KCNIP1: variants seen among roughly 807,000 people sequenced by gnomAD.
KCNIP1 encodes the protein potassium voltage-gated channel interacting protein 1, also known as A-type potassium channel modulatory protein KCNIP1.
Under a neutral mutation model 33.0 loss-of-function variants are expected in KCNIP1, and 18 were observed. The observed-to-expected ratio is 0.55, with a 90% CI of 0.38 to 0.81. KCNIP1 has a LOEUF of 0.81. Ranked by LOEUF, KCNIP1 falls within the 30% of genes least tolerant of loss-of-function variation. KCNIP1 has a pLI of 0.00. For synonymous variants in KCNIP1, 93 were observed against 98.3 expected (o/e 0.95, Z 0.32); for missense variants, 238 against 271.6 (o/e 0.88, Z 0.87).
intron 5 of KCNIP1, among the ~76,000 whole-genome samples, chr5:170,732,225 A>G (rs971551818): frequency 1.3e-5 from 2 of 152,218 alleles, no homozygotes; most frequent in Non-Finnish European, 2.9e-5. Flanking sequence ...CAGAATGGTC[A>G]GAATAATGGT....
At chr5:170,433,166 T>C (rs140681221) in intron 1 of KCNIP1, among the ~76,000 whole-genome samples, 1 of 152,206 alleles carries the variant, frequency 6.6e-6, no homozygotes, top group Non-Finnish European at 1.5e-5. Flanking sequence ...CAGGTGCCGA[T>C]GTTTTTGTTT....
At chr5:170,706,941 A>G (rs1415554704) in intron 1 of KCNIP1, among the ~76,000 whole-genome samples, 8 of 152,078 alleles carry the variant, frequency 5.3e-5, no homozygotes, top group African/African-American at 1.7e-4. Flanking sequence ...CAGGTCATCA[A>G]TTGTTCATTT....
intron 1 of KCNIP1, among the ~76,000 whole-genome samples, chr5:170,597,820 T>TATATATATATATATATAAAA (rs1441774904): frequency 5.3e-5 from 3 of 56,358 alleles, no homozygotes; most frequent in Non-Finnish European, 7.7e-5. Flanking sequence ...TATATATATA[T>TATATATATATATATATAAAA]ATATATATAT....
chr5:170,675,196 G>A (rs1762083698), intron 1 of KCNIP1, among the ~76,000 whole-genome samples: 1 of 151,978 alleles, frequency 6.6e-6, no homozygotes, highest in Non-Finnish European at 1.5e-5. Flanking sequence ...CTACTTGGGA[G>A]GCTAAGGTGG....
intron 1 of KCNIP1, among the ~76,000 whole-genome samples, chr5:170,451,796 C>T (rs7711755): frequency 0.04 from 5,776 of 142,884 alleles, 142 homozygotes; most frequent in Middle Eastern, 0.068. Flanking sequence ...GCAAGCTTTG[C>T]TGTCCTGGGT....
At chr5:170,375,869 G>A (rs796067203) in intron 1 of KCNIP1, 4 of 152,302 alleles carry the variant, frequency 2.6e-5, no homozygotes, top group African/African-American at 9.6e-5. Flanking sequence ...TTTTGCAAAC[G>A]AGGAAACAGG....
At chr5:170,711,296 A>G (rs757683320) in intron 1 of KCNIP1, among the ~76,000 whole-genome samples, 11 of 152,238 alleles carry the variant, frequency 7.2e-5, no homozygotes, top group Non-Finnish European at 1.5e-4. Context: ...TCCATGGTCT[A>G]TGTGTATGCC....
rs141417506 is a variant in KCNIP1 at position 170,359,334 on chromosome 5, G to A, written c.88+5370G>A. 8.8e-3 allele frequency among the ~76,000 whole-genome samples: 1,338 copies of A among 152,296 alleles called. 10 individuals are homozygous for A. Among genetic ancestry groups the A allele is most frequent in the Non-Finnish European group, 0.014 (922 of 68,028 alleles). On this transcript the variant is annotated intron_variant, in intron 1 of 7. Transcript: ENST00000377360. ...AATTGAGGTGTTGCAGCTGTTTACTGGAATTGTCTGGGAAAGCAGAAGCCT... is the reference window on the plus strand; with the variant it reads ...AATTGAGGTGTTGCAGCTGTTTACTAGAATTGTCTGGGAAAGCAGAAGCCT...
chr5:170,488,249 CAGGGTTTCATCAGATCTTCAAA>C (rs1435952950), intron 1 of KCNIP1, among the ~76,000 whole-genome samples: 1 of 152,134 alleles, frequency 6.6e-6, no homozygotes, highest in African/African-American at 2.4e-5. Context: ...GAAGAGAGTT[CAGGGTTTCATCAGATCTTCAAA>C]AGGATCCCAG....
At chr5:170,712,847 T>C (rs766187155) in intron 1 of KCNIP1, 1 of 1,613,886 alleles carries the variant, frequency 6.2e-7, no homozygotes, top group Admixed American at 1.7e-5. Flanking sequence ...TTCTCACTCT[T>C]TCCTAGACAT....
intron 1 of KCNIP1, among the ~76,000 whole-genome samples, chr5:170,658,299 A>G (rs553556264): frequency 3.2e-4 from 48 of 152,310 alleles, no homozygotes; most frequent in African/African-American, 1.1e-3. Context: ...TGCTGGGGGC[A>G]GGTACTCCCT....
intron 1 of KCNIP1, chr5:170,422,296 T>A (rs1755513525): frequency 6.6e-6 from 1 of 152,252 alleles, no homozygotes; most frequent in Admixed American, 6.5e-5. Flanking sequence ...CACAGCTGCG[T>A]GACTATGTCT....
chr5:170,634,585 G>A (rs752738544), intron 1 of KCNIP1, among the ~76,000 whole-genome samples: 4 of 152,174 alleles, frequency 2.6e-5, no homozygotes, highest in Admixed American at 1.3e-4. Flanking sequence ...TCCACAAAAC[G>A]ACATGAGCTC....
chr5:170,388,190 T>G (rs1764563965), intron 1 of KCNIP1, among the ~76,000 whole-genome samples: 1 of 152,220 alleles, frequency 6.6e-6, no homozygotes, highest in Admixed American at 6.5e-5. Context: ...GTCTGGAAAC[T>G]TGGCTTATTC....
At position 170,447,791 on chromosome 5, in the gene KCNIP1, G is replaced by A. The variant is rs181580787; in HGVS notation, c.88+93827G>A. The stretch of plus-strand genomic sequence containing the variant: ...TTTCTGCTTGGAGGAGCCAGACTCC[G>A]TGTTTGTTGCTTACAAATGAGACCT... On this transcript the variant is annotated intron_variant, in intron 1 of 7. Transcript: ENST00000377360. 9.9e-5 allele frequency among the ~76,000 whole-genome samples: 15 copies of A among 151,904 alleles called. No homozygotes were observed. In the East Asian group the frequency reaches 1.2e-3, roughly 12 times the overall value.
At chr5:170,576,204 G>A (rs1256248104) in intron 1 of KCNIP1, among the ~76,000 whole-genome samples, 1 of 152,176 alleles carries the variant, frequency 6.6e-6, no homozygotes, top group Non-Finnish European at 1.5e-5. Flanking sequence ...GGGGCACTCT[G>A]CATAAGCATG....
intron 1 of KCNIP1, among the ~76,000 whole-genome samples, chr5:170,623,367 A>G (rs1759685389): frequency 6.6e-6 from 1 of 151,978 alleles, no homozygotes; most frequent in African/African-American, 2.4e-5. Context: ...ACCCGCCACC[A>G]TACCTGGCTA....
chr5:170,355,405 C>T (rs17072570), intron 1 of KCNIP1, among the ~76,000 whole-genome samples: 13,179 of 152,234 alleles, frequency 0.087, 617 homozygotes, highest in Non-Finnish European at 0.1. Flanking sequence ...GGTTTTCTTT[C>T]CTCATTACAG....
intron 1 of KCNIP1, among the ~76,000 whole-genome samples, chr5:170,574,909 G>T (rs756695323): frequency 2.0e-5 from 3 of 152,178 alleles, no homozygotes; most frequent in Non-Finnish European, 4.4e-5. Flanking sequence ...ACAGACAGTG[G>T]CTCTGCCAGG....
Sources: allele counts gnomAD v4.1 joint callset (sites outside exome capture counted in the v4.1 genomes callset), GRCh38; gene constraint gnomAD v4.1.1; transcripts MANE v1.5; gene names NCBI Gene and HGNC (gene_info 2026-07-23, HGNC 2026-07-21).